Variants in CUBN observed in about 807,000 individuals in gnomAD.
The protein encoded by CUBN is 460 kDa receptor.
In CUBN, 282 loss-of-function variants were observed where a neutral mutation model predicts 405.3. The observed-to-expected ratio is 0.70, with a 90% CI of 0.63 to 0.77. The LOEUF is 0.77. Ranked by LOEUF, CUBN falls within the 30% of genes least tolerant of loss-of-function variation. CUBN has a pLI of 0.00. For missense variants in CUBN, 4,514 were observed against 4,475.2 expected, an observed-to-expected ratio of 1.01 and a Z score of -0.25; for synonymous variants, 1,684 against 1,617.0, an observed-to-expected ratio of 1.04 and a Z score of -0.99.
chr10:16,928,861 G>A (rs1446141850), intron 40 of CUBN, among the ~76,000 whole-genome samples: 1 of 151,820 alleles, frequency 6.6e-6, no homozygotes, highest in South Asian at 2.1e-4. Context: ...CTAAAAACTG[G>A]CTGCCAGTTC....
chr10:17,068,464 T>G (rs1835662613), intron 20 of CUBN, 141 bp downstream of exon 20: 2 of 937,216 alleles, frequency 2.1e-6, no homozygotes, highest in Non-Finnish European at 3.2e-6. Context: ...AAATGTTGAT[T>G]AGAAAATATA....
At chr10:17,081,689 T>C (rs1835972320) in intron 17 of CUBN, among the ~76,000 whole-genome samples, 1 of 152,142 alleles carries the variant, frequency 6.6e-6, no homozygotes, top group Admixed American at 6.5e-5. Flanking sequence ...ATTTTCCCAA[T>C]GGATAGAGAT....
At position 16,835,162 on chromosome 10, in the gene CUBN, T is replaced by A; in HGVS notation, c.10214A>T (p.Asn3405Ile). Residue 3405 changes from asparagine to isoleucine, a missense_variant, in exon 64 of 67, where the codon AAC becomes ATC. Transcript: ENST00000377833. Reference sequence around the variant, plus strand: ...ATCTGGCCATCCAGGGCTTCTCAGGTTGCCAAATGCCTTGTGATAGTCTCT... The same window carrying A: ...ATCTGGCCATCCAGGGCTTCTCAGGATGCCAAATGCCTTGTGATAGTCTCT... Reference protein sequence around the residue: ...CNRDYHKAFGNLRSPGWPDNY... With the variant: ...CNRDYHKAFGILRSPGWPDNY... 2 of 1,614,192 alleles carry A rather than the reference T, an allele frequency of 1.2e-6. No individual in the cohort carries two copies. The highest frequency in any genetic ancestry group is 1.7e-6 in the Non-Finnish European group (2 of 1,180,008).
At chr10:17,087,404 A>G in intron 15 of CUBN, among the ~76,000 whole-genome samples, 1 of 151,024 alleles carries the variant, frequency 6.6e-6, no homozygotes, top group East Asian at 2.0e-4. Context: ...CTCTCCTCTC[A>G]GTAATAATGA....
chr10:17,018,232 C>T (rs1307018029), intron 28 of CUBN, among the ~76,000 whole-genome samples: 1 of 152,100 alleles, frequency 6.6e-6, no homozygotes, highest in African/African-American at 2.4e-5. Flanking sequence ...AAAAATAGGA[C>T]AGAATAGCAA....
At chr10:17,081,312 C>A (rs1016964399) in intron 17 of CUBN, among the ~76,000 whole-genome samples, 2 of 152,100 alleles carry the variant, frequency 1.3e-5, no homozygotes, top group African/African-American at 4.8e-5. Context: ...TATTCACATG[C>A]AAAGTAAATG....
At position 16,869,569 on chromosome 10, in the gene CUBN, G is replaced by C. The variant is rs1042802843; in HGVS notation, c.9454+67C>G. On this transcript the variant is annotated intron_variant, in intron 59 of 66. Transcript: ENST00000377833. ...AATCAGGTGGGGGTGGGGGGGGGGCGGGGAAATTAAATAAAGCAGAAAGGT... is the reference window on the plus strand; with the variant it reads ...AATCAGGTGGGGGTGGGGGGGGGGCCGGGAAATTAAATAAAGCAGAAAGGT... 1.6e-4 allele frequency: 170 copies of C among 1,043,206 alleles called. 2 individuals carry two copies. Among genetic ancestry groups the C allele is most frequent in the South Asian group, 1.0e-3 (82 of 78,854 alleles). 64.6% of individuals were successfully genotyped at this position (1,043,206 alleles called of 1,614,324 possible).
intron 60 of CUBN, among the ~76,000 whole-genome samples, chr10:16,846,520 A>T (rs1839513176): frequency 6.6e-6 from 1 of 152,206 alleles, no homozygotes; most frequent in South Asian, 2.1e-4. Flanking sequence ...GAAGGATTAC[A>T]AAATATTGGC....
At chr10:16,970,840 A>T (rs1204516315) in intron 31 of CUBN, among the ~76,000 whole-genome samples, 1 of 151,878 alleles carries the variant, frequency 6.6e-6, no homozygotes, top group Non-Finnish European at 1.5e-5. Flanking sequence ...GCACTGCCCC[A>T]CCTCCACCTC....
intron 59 of CUBN, among the ~76,000 whole-genome samples, chr10:16,864,657 CTTTTTTTTTTT>C (rs58100254): frequency 1.6e-5 from 2 of 121,452 alleles, no homozygotes; most frequent in African/African-American, 5.9e-5. Context: ...TTTTTTCTTT[CTTTTTTTTTTT>C]TTTTTTTAGA....
At chr10:16,985,186 G>A (rs568675983) in intron 29 of CUBN, among the ~76,000 whole-genome samples, 24 of 152,306 alleles carry the variant, frequency 1.6e-4, no homozygotes, top group South Asian at 1.2e-3. Context: ...GGCCTGCCAC[G>A]TCCCCATCTC....
chr10:16,968,246 C>T (rs1033587064), intron 31 of CUBN, among the ~76,000 whole-genome samples: 2 of 152,092 alleles, frequency 1.3e-5, no homozygotes, highest in Admixed American at 1.3e-4. Context: ...TAGGTATCTG[C>T]CCTGTTCCAC....
chr10:17,043,491 C>G (rs943523207), intron 26 of CUBN, among the ~76,000 whole-genome samples: 2 of 152,186 alleles, frequency 1.3e-5, no homozygotes, highest in Non-Finnish European at 2.9e-5. Context: ...TAGTCTGGTA[C>G]ACTGATCTTT....
intron 15 of CUBN, 95 bp from the exon 16 acceptor site, chr10:17,085,854 A>C (rs1176340263): frequency 8.5e-7 from 1 of 1,176,390 alleles, no homozygotes; most frequent in Non-Finnish European, 1.2e-6. Flanking sequence ...CTATCATTTA[A>C]AAGTGATCGC....
chr10:16,992,126 C>A (rs910260050), intron 28 of CUBN, among the ~76,000 whole-genome samples: 6 of 152,006 alleles, frequency 3.9e-5, no homozygotes, highest in Non-Finnish European at 8.8e-5. Flanking sequence ...TCATTCTGAG[C>A]AAACTGTCAC....
chr10:16,846,987 G>A (rs1033034707), intron 60 of CUBN, among the ~76,000 whole-genome samples: 11 of 152,076 alleles, frequency 7.2e-5, no homozygotes, highest in Non-Finnish European at 1.0e-4. Context: ...AAGGGAGTGA[G>A]TTTCTGTTCA....
chr10:17,054,894 T>C (rs1835356116), intron 22 of CUBN, among the ~76,000 whole-genome samples: 1 of 152,132 alleles, frequency 6.6e-6, no homozygotes, highest in African/African-American at 2.4e-5. Context: ...AGAAATTGTT[T>C]ATATTCCACA....
In CUBN at chr10:17,124,355, G is replaced by C. The variant is rs567736398; in HGVS notation, c.388-666C>G. ...TATGTCAGCTACCAGTTTGAATCTT[G>C]TTAAGATTTTTACTGCCTTTGGGTG... On this transcript the variant is annotated intron_variant, in intron 4 of 66. Transcript: ENST00000377833. Among the ~76,000 whole-genome samples, 5 of 152,164 alleles carry C rather than the reference G, an allele frequency of 3.3e-5. No homozygotes were observed. The East Asian group carries it at 9.7e-4, about 29-fold the overall frequency.
chr10:17,062,261 T>C (rs1254806274), intron 22 of CUBN, among the ~76,000 whole-genome samples: 1 of 152,196 alleles, frequency 6.6e-6, no homozygotes, highest in Non-Finnish European at 1.5e-5. Context: ...GACTAGATGT[T>C]ACATAGGTTT....
Sources: allele counts gnomAD v4.1 joint callset (sites outside exome capture counted in the v4.1 genomes callset), GRCh38; gene constraint gnomAD v4.1.1; transcripts MANE v1.5; gene names NCBI Gene and HGNC (gene_info 2026-07-23, HGNC 2026-07-21).